LPP: variants seen among roughly 807,000 people sequenced by gnomAD.
The protein encoded by LPP is lipoma-preferred partner.
Under a neutral mutation model 60.4 loss-of-function variants are expected in LPP, and 38 were observed. That is an observed-to-expected ratio of 0.63 (90% CI 0.49 to 0.83). The LOEUF (loss-of-function observed/expected upper bound fraction) is 0.83, where lower values mean the gene tolerates loss of function less well. LPP is among the 40% of genes least tolerant of loss of function. The pLI, the probability that LPP is intolerant of heterozygous loss-of-function variation, is 0.00. For missense variants in LPP, 902 were observed against 783.6 expected (o/e 1.15, Z -1.80); for synonymous variants, 328 against 290.8 (o/e 1.13, Z -1.30).
At chr3:188,372,692 TTG>T (rs1773632534) in intron 3 of LPP, among the ~76,000 whole-genome samples, 1 of 151,480 alleles carries the variant, frequency 6.6e-6, no homozygotes, top group South Asian at 2.1e-4. Context: ...TGGCTTCTTT[TTG>T]TTTTTTTTTT....
intron 8 of LPP, among the ~76,000 whole-genome samples, chr3:188,734,358 TG>T (rs1226891646): frequency 6.6e-6 from 1 of 152,266 alleles, no homozygotes; most frequent in Non-Finnish European, 1.5e-5. Context: ...AATTTATTAG[TG>T]ACATGTAAAT....
chr3:188,440,464 T>G (rs1480834814), intron 4 of LPP, among the ~76,000 whole-genome samples: 1 of 152,162 alleles, frequency 6.6e-6, no homozygotes, highest in Non-Finnish European at 1.5e-5. Flanking sequence ...TAGTCCTTCA[T>G]GATTGATAGA....
At chr3:188,695,574 G>A (rs1863065220) in intron 7 of LPP, among the ~76,000 whole-genome samples, 1 of 152,236 alleles carries the variant, frequency 6.6e-6, no homozygotes, top group African/African-American at 2.4e-5. Flanking sequence ...GCTCTCAGAT[G>A]AAGGCATCTA....
chr3:188,198,098 A>G (rs1016986978), intron 1 of LPP, among the ~76,000 whole-genome samples: 2 of 152,234 alleles, frequency 1.3e-5, no homozygotes, highest in African/African-American at 4.8e-5. Flanking sequence ...GCTATGTGCC[A>G]GTCACTGTTC....
At chr3:188,859,811 G>T (rs375631150) in intron 9 of LPP, among the ~76,000 whole-genome samples, 4 of 152,128 alleles carry the variant, frequency 2.6e-5, no homozygotes, top group African/African-American at 9.7e-5. Context: ...GGGTAGGGGG[G>T]TGTGTCATGA....
intron 9 of LPP, among the ~76,000 whole-genome samples, chr3:188,777,018 A>G (rs963296383): frequency 6.6e-6 from 1 of 152,184 alleles, no homozygotes; most frequent in Admixed American, 6.5e-5. Flanking sequence ...AAGCAACTTC[A>G]CTTAATTATG....
intron 8 of LPP, among the ~76,000 whole-genome samples, chr3:188,751,299 A>G (rs965965522): frequency 2.0e-5 from 3 of 152,204 alleles, no homozygotes; most frequent in Non-Finnish European, 4.4e-5. Flanking sequence ...CCCACGGGAG[A>G]GATCACGGAG....
At chr3:188,488,936 C>T (rs1807480737) in intron 5 of LPP, among the ~76,000 whole-genome samples, 1 of 152,148 alleles carries the variant, frequency 6.6e-6, no homozygotes, top group Non-Finnish European at 1.5e-5. Flanking sequence ...CGCGCCCGGC[C>T]AGTTAGTTTT....
chr3:188,886,136 C>T lies in LPP; in HGVS notation c.*11657C>T, dbSNP rs1267273367. Reference sequence around the variant, plus strand: ...TGGACACAGGAAGGGGAACATCACACTCTGGGGACTGTTGTGGGGTGGAGG... The same window carrying T: ...TGGACACAGGAAGGGGAACATCACATTCTGGGGACTGTTGTGGGGTGGAGG... On this transcript the variant is annotated 3_prime_UTR_variant, in exon 12 of 12. Transcript: ENST00000617246. The T allele has an allele frequency of 6.7e-6, 1 of 149,858 alleles. No homozygotes were observed. Among genetic ancestry groups the T allele is most frequent in the Non-Finnish European group, 1.5e-5 (1 of 67,644 alleles). 9.3% of individuals were successfully genotyped at this position (149,858 alleles called of 1,614,324 possible). A position where few individuals can be genotyped will look rare whatever the true frequency, so the allele number is the denominator to read the frequency against.
At chr3:188,852,719 G>C (rs767282371) in intron 9 of LPP, among the ~76,000 whole-genome samples, 3 of 152,162 alleles carry the variant, frequency 2.0e-5, no homozygotes, top group Non-Finnish European at 2.9e-5. Context: ...CATAAACCAA[G>C]TAAATTTATG....
At chr3:188,654,173 A>G (rs1015390135) in intron 7 of LPP, among the ~76,000 whole-genome samples, 1 of 152,206 alleles carries the variant, frequency 6.6e-6, no homozygotes, top group East Asian at 1.9e-4. Flanking sequence ...GGGAAATCCA[A>G]TTGATTTGCA....
At chr3:188,406,890 T>G (rs1578661442) in intron 4 of LPP, among the ~76,000 whole-genome samples, 1 of 152,114 alleles carries the variant, frequency 6.6e-6, no homozygotes, top group Admixed American at 6.5e-5. Context: ...TTAATAACAA[T>G]GCATTCAGTT....
At chr3:188,873,987 T>C (rs776735966) in intron 11 of LPP, among the ~76,000 whole-genome samples, 2 of 152,046 alleles carry the variant, frequency 1.3e-5, no homozygotes, top group Non-Finnish European at 2.9e-5. Context: ...GGGTAAAAAA[T>C]GCATCGGTGG....
intron 4 of LPP, among the ~76,000 whole-genome samples, chr3:188,427,382 A>G (rs1051030388): frequency 6.6e-6 from 1 of 152,090 alleles, no homozygotes; most frequent in Non-Finnish European, 1.5e-5. Context: ...GGCTGCCCTT[A>G]ACATTTTTTC....
chr3:188,398,112 A>G (rs1023935059), intron 3 of LPP, among the ~76,000 whole-genome samples: 2 of 152,056 alleles, frequency 1.3e-5, no homozygotes, highest in Non-Finnish European at 2.9e-5. Context: ...TGGGCATTTA[A>G]TGTGCTGATT....
chr3:188,616,113 T>C (rs1450118338), intron 7 of LPP, among the ~76,000 whole-genome samples: 2 of 152,174 alleles, frequency 1.3e-5, no homozygotes, highest in African/African-American at 4.8e-5. Flanking sequence ...ATTTTGGCTT[T>C]TGTTGCAATT....
intron 4 of LPP, among the ~76,000 whole-genome samples, chr3:188,449,393 A>G (rs1177143025): frequency 6.6e-6 from 1 of 152,186 alleles, no homozygotes; most frequent in Admixed American, 6.5e-5. Flanking sequence ...AAATGCATGA[A>G]TTTTTAGAAA....
intron 7 of LPP, among the ~76,000 whole-genome samples, chr3:188,662,674 C>T (rs1235104184): frequency 6.6e-6 from 1 of 152,228 alleles, no homozygotes; most frequent in Admixed American, 6.5e-5. Flanking sequence ...CTCTCTCCTG[C>T]CCCTTTTCTT....
intron 2 of LPP, among the ~76,000 whole-genome samples, chr3:188,239,599 A>C (rs182803900): frequency 1.3e-5 from 2 of 152,198 alleles, no homozygotes; most frequent in African/African-American, 2.4e-5. Flanking sequence ...CCTTAGTTCT[A>C]TTTTGTGGTT....
Sources: gnomAD v4.1 joint callset for allele counts (sites outside exome capture counted in the v4.1 genomes callset) on GRCh38, gnomAD v4.1.1 for gene constraint, MANE v1.5 for transcripts, NCBI Gene and HGNC (gene_info 2026-07-23, HGNC 2026-07-21) for gene names.